Variants in STK33 observed in about 807,000 individuals in gnomAD.
The protein encoded by STK33 is serine/threonine-protein kinase 33.
STK33 carries 52 observed loss-of-function variants against 58.0 expected under a neutral mutation model. The observed-to-expected ratio is 0.90, with a 90% CI of 0.72 to 1.13. The LOEUF is 1.13. Among genes scored for constraint, STK33 ranks in the 50% most tolerant of loss-of-function variants. The pLI, the probability that STK33 is intolerant of heterozygous loss-of-function variation, is 0.00. For missense variants in STK33, 630 were observed against 604.2 expected, an observed-to-expected ratio of 1.04 and a Z score of -0.45; for synonymous variants, 215 against 200.1, an observed-to-expected ratio of 1.07 and a Z score of -0.63.
At chr11:8,511,855 T>G (rs1340387092) in intron 1 of STK33, among the ~76,000 whole-genome samples, 1 of 152,192 alleles carries the variant, frequency 6.6e-6, no homozygotes, top group East Asian at 1.9e-4. Context: ...CTTTTTGGTA[T>G]GCTGTTTGAT....
chr11:8,382,158 A>C, the STK33 span, among the ~76,000 whole-genome samples: 1 of 152,226 alleles, frequency 6.6e-6, no homozygotes, highest in Non-Finnish European at 1.5e-5. Flanking sequence ...GACATCCTGC[A>C]GCGAGGAACA....
intron 9 of STK33, among the ~76,000 whole-genome samples, chr11:8,455,765 C>A (rs1032272081): frequency 7.7e-6 from 1 of 129,602 alleles, no homozygotes; most frequent in East Asian, 2.5e-4. Flanking sequence ...GAGCCGAGAT[C>A]GTGTCACTGC....
At chr11:8,552,534 T>C (rs1263057552) in intron 1 of STK33, among the ~76,000 whole-genome samples, 1 of 152,212 alleles carries the variant, frequency 6.6e-6, no homozygotes, top group Non-Finnish European at 1.5e-5. Context: ...TTTATCTCTT[T>C]ATATCCTTAT....
At chr11:8,375,106 A>T in the STK33 span, among the ~76,000 whole-genome samples, 16 of 152,362 alleles carry the variant, frequency 1.1e-4, no homozygotes, top group East Asian at 2.7e-3. Flanking sequence ...ACAGAAATGC[A>T]CACTTGCAAG....
At chr11:8,549,672 C>T (rs921855494) in intron 1 of STK33, among the ~76,000 whole-genome samples, 2 of 152,056 alleles carry the variant, frequency 1.3e-5, no homozygotes, top group Non-Finnish European at 2.9e-5. Flanking sequence ...CACTATTAGT[C>T]TGTTCAGGTT....
At chr11:8,418,022 TTAAA>T (rs2135780844) in intron 14 of STK33, among the ~76,000 whole-genome samples, 1 of 152,302 alleles carries the variant, frequency 6.6e-6, no homozygotes, top group Admixed American at 6.5e-5. Flanking sequence ...CTGAAACAAT[TTAAA>T]TATTCACAGG....
chr11:8,548,708 T>A (rs556728678), intron 1 of STK33, among the ~76,000 whole-genome samples: 12 of 152,324 alleles, frequency 7.9e-5, no homozygotes, highest in Admixed American at 7.2e-4. Flanking sequence ...GTATGAACAC[T>A]TCAACAATAT....
chr11:8,487,421 CA>C (rs35061686), intron 1 of STK33, among the ~76,000 whole-genome samples: 4,483 of 102,930 alleles, frequency 0.044, 39 homozygotes, highest in Non-Finnish European at 0.054. Flanking sequence ...GACCCAGTCT[CA>C]AAAAAAAAAA....
intron 6 of STK33, among the ~76,000 whole-genome samples, chr11:8,468,633 C>T (rs1189349363): frequency 3.9e-5 from 6 of 152,198 alleles, no homozygotes; most frequent in African/African-American, 1.2e-4. Context: ...GGTCTAAAAG[C>T]TCCTAAAGGT....
chr11:8,457,794 AC>A (rs1051290924), intron 8 of STK33, among the ~76,000 whole-genome samples: 1 of 152,202 alleles, frequency 6.6e-6, no homozygotes, highest in African/African-American at 2.4e-5. Flanking sequence ...AAATATTAAG[AC>A]CAGGTCTAGA....
intron 1 of STK33, among the ~76,000 whole-genome samples, chr11:8,592,665 T>C (rs1329474952): frequency 6.6e-6 from 1 of 152,186 alleles, no homozygotes; most frequent in Non-Finnish European, 1.5e-5. Flanking sequence ...CAGGCTGGAA[T>C]GCAGTGGCAA....
At chr11:8,443,377 A>G (rs559829618) in intron 11 of STK33, among the ~76,000 whole-genome samples, 8 of 152,332 alleles carry the variant, frequency 5.3e-5, no homozygotes, top group African/African-American at 1.9e-4. Flanking sequence ...AAAATTCCTA[A>G]AAGTTGAAAA....
chr11:8,412,557 A>G (rs1398450233), intron 15 of STK33, among the ~76,000 whole-genome samples: 1 of 152,154 alleles, frequency 6.6e-6, no homozygotes, highest in East Asian at 1.9e-4. Context: ...GTAGGCCAGC[A>G]ATGCTGCACC....
At chr11:8,466,169 T>C in intron 6 of STK33, 1 of 152,256 alleles carries the variant, frequency 6.6e-6, no homozygotes, top group Non-Finnish European at 1.5e-5. Flanking sequence ...ACTCTGGCCC[T>C]TCCCAAATCA....
At chr11:8,574,342 CTGTG>C (rs1958032760) in intron 1 of STK33, among the ~76,000 whole-genome samples, 1 of 151,944 alleles carries the variant, frequency 6.6e-6, no homozygotes, top group African/African-American at 2.4e-5. Flanking sequence ...CAGAGTCTCC[CTGTG>C]TATTTATTTG....
At chr11:8,409,370 A>T (rs1939817445) in intron 15 of STK33, among the ~76,000 whole-genome samples, 1 of 152,206 alleles carries the variant, frequency 6.6e-6, no homozygotes, top group Non-Finnish European at 1.5e-5. Flanking sequence ...AAGCTAAATC[A>T]TGCAAACACT....
the STK33 span, among the ~76,000 whole-genome samples, chr11:8,343,437 A>G: frequency 6.6e-6 from 1 of 152,212 alleles, no homozygotes; most frequent in Non-Finnish European, 1.5e-5. Context: ...TTCTGAGGTG[A>G]CTGTGGCGGT....
the STK33 span, among the ~76,000 whole-genome samples, chr11:8,363,807 ACAATAGTAAAACTAATACT>A: frequency 6.6e-6 from 1 of 152,212 alleles, no homozygotes; most frequent in South Asian, 2.1e-4. Context: ...GGAAATAAAA[ACAATAGTAAAACTAATACT>A]CATTTAGTAT....
At chr11:8,480,039 C>A (rs1453818082) in intron 2 of STK33, among the ~76,000 whole-genome samples, 1 of 152,098 alleles carries the variant, frequency 6.6e-6, no homozygotes, top group Admixed American at 6.6e-5. Context: ...ATGAGGGGAT[C>A]ATATGGAGAA....
Sources: gnomAD v4.1 joint callset for allele counts (sites outside exome capture counted in the v4.1 genomes callset) on GRCh38, gnomAD v4.1.1 for gene constraint, MANE v1.5 for transcripts, NCBI Gene and HGNC (gene_info 2026-07-23, HGNC 2026-07-21) for gene names.